Variants in HOOK3 observed in about 807,000 individuals in gnomAD.
HOOK3 encodes hook microtubule tethering protein 3, also known as protein Hook homolog 3.
In HOOK3, 24 loss-of-function variants were observed where a neutral mutation model predicts 116.3. That is an observed-to-expected ratio of 0.21 (90% CI 0.15 to 0.29). HOOK3 has a LOEUF of 0.29. HOOK3 is among the 10% of genes least tolerant of loss of function. The probability of loss-of-function intolerance (pLI) is 1.00; values close to 1 mark genes in which losing one functional copy is unlikely to be tolerated. For synonymous variants in HOOK3, 275 were observed against 283.0 expected, an observed-to-expected ratio of 0.97 and a Z score of 0.28; for missense variants, 632 against 830.2, an observed-to-expected ratio of 0.76 and a Z score of 2.93.
Position 42,897,177 on chromosome 8 carries a change from C to T in HOOK3, c.46C>T (p.Leu16Phe), listed in dbSNP as rs1368826097. 4.0e-6 allele frequency: 5 copies of T among 1,248,062 alleles called. No individual in the cohort carries two copies. Among genetic ancestry groups the T allele is most frequent in the Non-Finnish European group, 5.0e-6 (5 of 991,478 alleles). 77.3% of individuals were successfully genotyped at this position (1,248,062 alleles called of 1,614,324 possible). ...SLERAELCES[L>F]LTWIQTFNVD... ...GGAGCGGGCGGAGCTGTGCGAGAGCCTCCTCACTTGGGTACGTGGGGGCCG... is the reference window on the plus strand; with the variant it reads ...GGAGCGGGCGGAGCTGTGCGAGAGCTTCCTCACTTGGGTACGTGGGGGCCG... Residue 16 changes from leucine to phenylalanine, a missense_variant, in exon 1 of 22, where the codon CTC becomes TTC. By Grantham distance (22) the Leu-to-Phe change is conservative. This residue lies in a region of HOOK3 where 141 missense variants were observed against 150.8 expected (regional missense o/e 0.93). Transcript: ENST00000307602.
Position 43,030,102 on chromosome 8 carries a change from A to C in HOOK3, c.*11604A>C, listed in dbSNP as rs1443768347. 9.6e-6 allele frequency: 2 copies of C among 209,378 alleles called. No individual in the cohort carries two copies. Among genetic ancestry groups the C allele is most frequent in the Non-Finnish European group, 1.9e-5 (2 of 103,124 alleles). 13.0% of individuals were successfully genotyped at this position (209,378 alleles called of 1,614,324 possible). A position where few individuals can be genotyped will look rare whatever the true frequency, so the allele number is the denominator to read the frequency against. ...AAATACAGATTTAGCAGTGTTGTAC[A>C]TAATGATGTCCAAGCATTTTTCCAC... On this transcript the variant is annotated 3_prime_UTR_variant, in exon 22 of 22. Coordinates refer to ENST00000307602, the MANE Select transcript of HOOK3 (RefSeq NM_032410.4).
At chr8:42,927,376 T>A (rs1049078321) in intron 3 of HOOK3, among the ~76,000 whole-genome samples, 1 of 150,662 alleles carries the variant, frequency 6.6e-6, no homozygotes, top group African/African-American at 2.4e-5. Context: ...CCTGCCTCGG[T>A]CTCCCGAGTA....
chr8:42,974,144 T>C lies in HOOK3; in HGVS notation c.1271T>C (p.Ile424Thr). 6.2e-7 allele frequency: 1 copy of C among 1,614,116 alleles called. No individual in the cohort carries two copies. ...RTERDSLKET[I>T]EELRCVQAQE... Reference sequence around the variant, plus strand: ...GAAAGGGATTCTCTGAAGGAAACCATTGAAGAGCTTCGTTGTGTACAAGCT... The same window carrying C: ...GAAAGGGATTCTCTGAAGGAAACCACTGAAGAGCTTCGTTGTGTACAAGCT... The change falls in exon 13 of 22, where the codon ATT (isoleucine) becomes ACT (threonine). Residue 424 changes from isoleucine (I) to threonine (T), a missense_variant. Transcript: ENST00000307602.
At chr8:42,898,720 T>TG (rs1807117310) in intron 1 of HOOK3, among the ~76,000 whole-genome samples, 1 of 152,068 alleles carries the variant, frequency 6.6e-6, no homozygotes, top group Non-Finnish European at 1.5e-5. Flanking sequence ...AAAGAAGACA[T>TG]GGAAATAAAG....
At chr8:42,906,087 CAAA>C (rs35347216) in intron 1 of HOOK3, 83 bp from the exon 2 acceptor site, 6,792 of 379,106 alleles carry the variant, frequency 0.018, no homozygotes, top group Admixed American at 0.031. Context: ...ACTCCGTCTC[CAAA>C]AAAAAAAAAA....
At chr8:43,006,738 C>G (rs925527148) in intron 17 of HOOK3, among the ~76,000 whole-genome samples, 6 of 151,996 alleles carry the variant, frequency 3.9e-5, no homozygotes, top group Non-Finnish European at 5.9e-5. Context: ...GTCTCATCTT[C>G]AAAAAATTTA....
At chr8:42,947,525 G>A (rs1808252335) in intron 5 of HOOK3, among the ~76,000 whole-genome samples, 1 of 152,140 alleles carries the variant, frequency 6.6e-6, no homozygotes, top group African/African-American at 2.4e-5. Context: ...CAAATGTTCT[G>A]TAGAAACACC....
In HOOK3 at chr8:42,897,127, G is replaced by C; in HGVS notation, c.-5G>C. 8.0e-7 allele frequency: 1 copy of C among 1,246,228 alleles called. No homozygotes were observed. Among genetic ancestry groups the C allele is most frequent in the Non-Finnish European group, 1.0e-6 (1 of 989,812 alleles). 77.2% of individuals were successfully genotyped at this position (1,246,228 alleles called of 1,614,324 possible). ...GGTAGGCGCTGCCTGGCCGCGGCGG[G>C]GAAGATGTTCAGCGTAGAGTCGCTG... On this transcript the variant is annotated 5_prime_UTR_variant, in exon 1 of 22. Transcript: ENST00000307602.
intron 11 of HOOK3, among the ~76,000 whole-genome samples, chr8:42,969,140 C>G (rs1586614490): frequency 6.6e-6 from 1 of 152,128 alleles, no homozygotes; most frequent in East Asian, 1.9e-4. Flanking sequence ...AAAAGAAATG[C>G]CATATAAATA....
chr8:42,958,245 C>G (rs758175119), intron 7 of HOOK3, among the ~76,000 whole-genome samples: 5 of 152,158 alleles, frequency 3.3e-5, no homozygotes, highest in Non-Finnish European at 7.4e-5. Context: ...TGACTTCTTT[C>G]ACTTCCTTCT....
rs1422550339 is a variant in HOOK3, at chr8:42,993,893, T to C, written c.1533-3657T>C. Among the ~76,000 whole-genome samples, 4 of 152,306 alleles carry C rather than the reference T, an allele frequency of 2.6e-5. No individual in the cohort carries two copies. The East Asian group carries it at 5.8e-4, about 22-fold the overall frequency. On this transcript the variant is annotated intron_variant, in intron 15 of 21. Transcript: ENST00000307602. Reference sequence around the variant, plus strand: ...TTATTTATTTGGGTCTTCTCTCTTTTTTTCTTAGTCTGGCTAAAGGTTTGT... The same window carrying C: ...TTATTTATTTGGGTCTTCTCTCTTTCTTTCTTAGTCTGGCTAAAGGTTTGT...
intron 9 of HOOK3, among the ~76,000 whole-genome samples, chr8:42,965,740 A>AT (rs901426997): frequency 1.4e-3 from 205 of 147,960 alleles, no homozygotes; most frequent in African/African-American, 4.2e-3. Flanking sequence ...ATGTTTCTGG[A>AT]TTTTTTTTTT....
At chr8:42,970,801 T>C (rs1808713664) in intron 11 of HOOK3, among the ~76,000 whole-genome samples, 1 of 149,884 alleles carries the variant, frequency 6.7e-6, no homozygotes, top group Non-Finnish European at 1.5e-5. Flanking sequence ...TTTTTTTTTT[T>C]TTCTGAGACA....
chr8:42,944,754 G>C (rs1445222233), intron 5 of HOOK3, among the ~76,000 whole-genome samples: 1 of 152,156 alleles, frequency 6.6e-6, no homozygotes, highest in Non-Finnish European at 1.5e-5. Flanking sequence ...GGGAGGCGGA[G>C]GTTGCATTGA....
intron 21 of HOOK3, among the ~76,000 whole-genome samples, chr8:43,016,122 GT>G (rs35456975): frequency 0.85 from 123,190 of 144,086 alleles, 53,275 homozygotes; most frequent in Non-Finnish European, 0.95. Flanking sequence ...GTCCTAATTT[GT>G]TTTTTTTTTT....
chr8:42,947,081 T>C (rs1808245089), intron 5 of HOOK3, among the ~76,000 whole-genome samples: 1 of 152,164 alleles, frequency 6.6e-6, no homozygotes, highest in African/African-American at 2.4e-5. Context: ...CATTTTCTTA[T>C]AGGTAAATTT....
chr8:42,903,426 G>C (rs1278793450), intron 1 of HOOK3, among the ~76,000 whole-genome samples: 2 of 140,046 alleles, frequency 1.4e-5, no homozygotes. Context: ...CTCACTGCAA[G>C]CTCCACCTCC....
rs1809996355 is a variant in HOOK3, at chr8:43,029,675, TATCTA to T, written c.*11180_*11184del. ...TGAAATGAATAGTAAAATTCAAACA[TATCTA>T]ATAATAATTTGCCTTAGTTTGATTA... On this transcript the variant is annotated 3_prime_UTR_variant, in exon 22 of 22. Coordinates refer to ENST00000307602, the MANE Select transcript of HOOK3 (RefSeq NM_032410.4). The T allele has an allele frequency of 5.2e-6, 1 of 192,634 alleles. No homozygotes were observed. The highest frequency in any genetic ancestry group is 1.9e-4 in the South Asian group (1 of 5,178). The allele number at this position is 192,634 out of a possible 1,614,324, so 11.9% of individuals were successfully genotyped here.
In HOOK3 at chr8:43,013,320, T is replaced by A; in HGVS notation, c.1945-9T>A. Reference sequence around the variant, plus strand: ...TTACATATTTACATGTGCTTTTTTTTTTTTTTAGAAAGAATATGAGAAAAC... The same window carrying A: ...TTACATATTTACATGTGCTTTTTTTATTTTTTAGAAAGAATATGAGAAAAC... On this transcript the variant is annotated splice_polypyrimidine_tract_variant and intron_variant, in intron 20 of 21. Transcript: ENST00000307602. 6.4e-7 allele frequency: 1 copy of A among 1,556,662 alleles called. No homozygotes were observed.
Sources: allele counts gnomAD v4.1 joint callset (sites outside exome capture counted in the v4.1 genomes callset), GRCh38; gene constraint gnomAD v4.1.1; regional missense constraint gnomAD v4.1.1; transcripts MANE v1.5; gene names NCBI Gene and HGNC (gene_info 2026-07-23, HGNC 2026-07-21).